The following CRACD variants were observed in gnomAD, a reference collection of about 807,000 sequenced individuals.
CRACD encodes capping protein inhibiting regulator of actin dynamics, also known as capping protein-inhibiting regulator of actin dynamics.
Under a neutral mutation model 106.8 loss-of-function variants are expected in CRACD, and 56 were observed. That is an observed-to-expected ratio of 0.52 (90% CI 0.42 to 0.66). The LOEUF (loss-of-function observed/expected upper bound fraction) is 0.66, where lower values mean the gene tolerates loss of function less well. Ranked by LOEUF, CRACD falls within the 30% of genes least tolerant of loss-of-function variation. CRACD has a pLI of 0.00. For missense variants in CRACD, 1,730 were observed against 1,623.2 expected (o/e 1.07, Z -1.13); for synonymous variants, 754 against 670.8 (o/e 1.12, Z -1.92).
intron 1 of CRACD, among the ~76,000 whole-genome samples, chr4:56,091,174 T>A (rs1318464238): frequency 6.6e-6 from 1 of 152,108 alleles, no homozygotes; most frequent in Non-Finnish European, 1.5e-5. Context: ...TGCCTCAGCC[T>A]CCTCAGGACT....
intron 1 of CRACD, among the ~76,000 whole-genome samples, chr4:56,101,316 T>C (rs925149284): frequency 6.6e-6 from 1 of 152,176 alleles, no homozygotes; most frequent in Non-Finnish European, 1.5e-5. Flanking sequence ...TAAAAAAACA[T>C]AATTATCTGT....
chr4:56,180,305 C>T lies in CRACD; in HGVS notation c.-189+875C>T, dbSNP rs184735080. Among the ~76,000 whole-genome samples, 697 of 152,154 alleles carry T rather than the reference C, an allele frequency of 4.6e-3. 9 individuals carry two copies. The highest frequency in any genetic ancestry group is 0.016 in the African/African-American group (674 of 41,524). ...AGGAGTTCAAGACCAGCCTGGCCAA[C>T]ACGGTGAAACCCCATCTCTACTAAA... On this transcript the variant is annotated intron_variant, in intron 2 of 10. Transcript: ENST00000682029.
intron 9 of CRACD, 30 bp from the exon 10 acceptor site, chr4:56,324,074 T>C: frequency 6.3e-7 from 1 of 1,578,552 alleles, no homozygotes; most frequent in Non-Finnish European, 8.6e-7. Context: ...GTTGAAAACA[T>C]GTTTCCCATG....
At chr4:56,074,007 G>T (rs990770117) in intron 1 of CRACD, among the ~76,000 whole-genome samples, 6 of 152,098 alleles carry the variant, frequency 3.9e-5, no homozygotes, top group African/African-American at 1.4e-4. Context: ...AAGATCAGGT[G>T]GTTGTAGATG....
chr4:56,125,200 G>T (rs1485954109), intron 1 of CRACD, among the ~76,000 whole-genome samples: 1 of 152,128 alleles, frequency 6.6e-6, no homozygotes, highest in Non-Finnish European at 1.5e-5. Flanking sequence ...TGCATCCACT[G>T]ATGATTCTTG....
chr4:56,307,641 C>T lies in CRACD; in HGVS notation c.227C>T (p.Thr76Ile), dbSNP rs779036728. The T allele has an allele frequency of 8.7e-6, 14 of 1,614,058 alleles. No homozygotes were observed. Among genetic ancestry groups the T allele is most frequent in the African/African-American group, 2.7e-5 (2 of 74,940 alleles). Residue 76 changes from threonine to isoleucine, a missense_variant, in exon 5 of 11, where the codon ACC (threonine) becomes ATC (isoleucine). Thr to Ile is a moderately conservative substitution (Grantham distance 89). Around this residue, in one of 5 missense-constraint regions of CRACD, gnomAD observed 1,620 missense variants for 1,481.6 expected, o/e 1.09. Coordinates refer to ENST00000682029, the MANE Select transcript of CRACD (RefSeq NM_001393381.1). ...AGCTTAGAAGAGGATCTGTTCCTGA[C>T]CAGTCCCATGGAAATTGTGACTCAG... ...EASLEEDLFL[T>I]SPMEIVTQQD...
In CRACD at chr4:56,314,923, C is replaced by G. The variant is rs1469240168; in HGVS notation, c.1421C>G (p.Ala474Gly). The G allele has an allele frequency of 5.0e-6, 8 of 1,603,940 alleles. No individual in the cohort carries two copies. The highest frequency in any genetic ancestry group is 6.8e-6 in the Non-Finnish European group (8 of 1,176,462). Residue 474 changes from alanine to glycine, a missense_variant, in exon 8 of 11, where the codon GCC becomes GGC. By Grantham distance (60) the Ala-to-Gly change is moderately conservative. This residue lies in a region of CRACD where 1,620 missense variants were observed against 1,481.6 expected (regional missense o/e 1.09). Transcript: ENST00000682029. The surrounding 1 kb of genome is among the most constrained non-coding windows in gnomAD (Gnocchi z 4.4). Reference sequence around the variant, plus strand: ...GGAAGGAGCGGGGATTTCCAGGGGGCCGATCGTCCTGGGCCCGAGGAAAAG... The same window carrying G: ...GGAAGGAGCGGGGATTTCCAGGGGGGCGATCGTCCTGGGCCCGAGGAAAAG... The part of the protein sequence containing the change: ...QQGRSGDFQG[A>G]DRPGPEEKRE...
chr4:56,105,273 T>G (rs977242889), intron 1 of CRACD, among the ~76,000 whole-genome samples: 2 of 152,136 alleles, frequency 1.3e-5, no homozygotes, highest in Non-Finnish European at 2.9e-5. Flanking sequence ...CCAAGGCGGG[T>G]GGATCACTTG....
intron 2 of CRACD, among the ~76,000 whole-genome samples, chr4:56,247,327 T>G (rs1262511564): frequency 6.6e-6 from 1 of 152,244 alleles, no homozygotes. Context: ...TGATAGTCTT[T>G]TCTTGCCGTG....
chr4:56,176,431 C>CT lies in CRACD; in HGVS notation c.-335-2838dup, dbSNP rs3036818. Among the ~76,000 whole-genome samples, 499 of 137,192 alleles carry CT rather than the reference C, an allele frequency of 3.6e-3. 11 individuals are homozygous for CT. The highest frequency in any genetic ancestry group is 5.2e-3 in the Non-Finnish European group (336 of 64,996). 90.0% of individuals were successfully genotyped at this position (137,192 alleles called of 152,430 possible). On this transcript the variant is annotated intron_variant, in intron 1 of 10. Transcript: ENST00000682029. ...TGAGCATGGAATATCCTTCCAATTT[C>CT]TTTTTTTTTTTTTTTGAGATGGAGA...
intron 2 of CRACD, among the ~76,000 whole-genome samples, chr4:56,253,338 T>A (rs773811584): frequency 2.0e-5 from 3 of 152,222 alleles, no homozygotes; most frequent in Non-Finnish European, 2.9e-5. Context: ...GAGCCAGATA[T>A]GTTCTAAACT....
chr4:56,194,217 G>A (rs1420258460), intron 2 of CRACD, among the ~76,000 whole-genome samples: 1 of 152,110 alleles, frequency 6.6e-6, no homozygotes, highest in African/African-American at 2.4e-5. Context: ...CCAACAGCGG[G>A]CATTTGTAAG....
intron 3 of CRACD, among the ~76,000 whole-genome samples, chr4:56,295,796 T>C (rs1252047557): frequency 1.3e-5 from 2 of 150,762 alleles, no homozygotes; most frequent in African/African-American, 4.9e-5. Flanking sequence ...GAAAAAGAAG[T>C]TTAGACAGAG....
intron 10 of CRACD, among the ~76,000 whole-genome samples, chr4:56,326,567 T>C (rs1187165165): frequency 6.6e-6 from 1 of 152,172 alleles, no homozygotes; most frequent in African/African-American, 2.4e-5. Context: ...CCATAGGCAC[T>C]ATTTATGACT....
intron 2 of CRACD, among the ~76,000 whole-genome samples, chr4:56,183,194 T>A (rs1186398246): frequency 6.9e-6 from 1 of 144,756 alleles, no homozygotes; most frequent in African/African-American, 2.6e-5. Context: ...GATTGCGCCG[T>A]TGCACTCCAG....
intron 2 of CRACD, among the ~76,000 whole-genome samples, chr4:56,182,365 G>A (rs1228428502): frequency 6.6e-6 from 1 of 151,018 alleles, no homozygotes; most frequent in East Asian, 2.0e-4. Context: ...GTGAGACCCA[G>A]TTTGTCTCAA....
chr4:56,189,983 C>G (rs1302935895), intron 2 of CRACD, among the ~76,000 whole-genome samples: 1 of 110,984 alleles, frequency 9.0e-6, no homozygotes, highest in Non-Finnish European at 1.8e-5. Context: ...CCCCACCCCA[C>G]AACAGTCCCC....
intron 8 of CRACD, 151 bp downstream of exon 8, chr4:56,316,840 C>T (rs774479475): frequency 6.2e-6 from 6 of 965,612 alleles, no homozygotes; most frequent in East Asian, 2.7e-5. Flanking sequence ...AGAACAAAAC[C>T]GTGGGGCGCC....
chr4:56,210,869 T>C (rs1020309595), intron 2 of CRACD, among the ~76,000 whole-genome samples: 2 of 152,200 alleles, frequency 1.3e-5, no homozygotes, highest in African/African-American at 2.4e-5. Context: ...GGAAGAGTTC[T>C]CCATGCCTGG....
Sources: gnomAD v4.1 joint callset for allele counts (sites outside exome capture counted in the v4.1 genomes callset) on GRCh38, gnomAD v4.1.1 for gene constraint, gnomAD v4.1.1 regional missense constraint, Gnocchi (gnomAD v3.1) non-coding constraint, MANE v1.5 for transcripts, NCBI Gene and HGNC (gene_info 2026-07-23, HGNC 2026-07-21) for gene names.